The following FGF14 variants were observed in gnomAD, a reference collection of about 807,000 sequenced individuals.
The protein encoded by FGF14 is fibroblast growth factor homologous factor 4.
In FGF14, 5 loss-of-function variants were observed where a neutral mutation model predicts 25.5. That is an observed-to-expected ratio of 0.20 (90% confidence interval 0.10 to 0.41). The LOEUF (loss-of-function observed/expected upper bound fraction) is 0.41, where lower values mean the gene tolerates loss of function less well. Among genes scored for constraint, FGF14 ranks in the 10% least tolerant of loss-of-function variants. FGF14 has a pLI of 1.00. For missense variants in FGF14, 222 were observed against 320.1 expected, an observed-to-expected ratio of 0.69 and a Z score of 2.34; for synonymous variants, 138 against 118.3, an observed-to-expected ratio of 1.17 and a Z score of -1.08.
At chr13:102,214,755 G>A (rs1420597935) in intron 1 of FGF14, among the ~76,000 whole-genome samples, 1 of 152,124 alleles carries the variant, frequency 6.6e-6, no homozygotes, top group East Asian at 1.9e-4. Flanking sequence ...ACAACTTGGG[G>A]GCTGCCACTG....
At chr13:101,852,518 T>A (rs780244075) in intron 3 of FGF14, among the ~76,000 whole-genome samples, 3 of 152,132 alleles carry the variant, frequency 2.0e-5, no homozygotes, top group Non-Finnish European at 4.4e-5. Flanking sequence ...ACCATTTGCG[T>A]ATGTGGGGCT....
At chr13:102,270,046 G>A (rs912584720) in intron 1 of FGF14, among the ~76,000 whole-genome samples, 1 of 152,018 alleles carries the variant, frequency 6.6e-6, no homozygotes, top group African/African-American at 2.4e-5. Flanking sequence ...AAAATTCTCT[G>A]GTCTTAAATG....
intron 1 of FGF14, among the ~76,000 whole-genome samples, chr13:102,383,134 G>A (rs1296508750): frequency 1.3e-5 from 2 of 152,064 alleles, no homozygotes; most frequent in African/African-American, 2.4e-5. Context: ...TGTTACAAAA[G>A]TGAGATTTAT....
intron 1 of FGF14, among the ~76,000 whole-genome samples, chr13:102,059,569 A>T (rs1416234929): frequency 6.6e-6 from 1 of 152,240 alleles, no homozygotes; most frequent in Non-Finnish European, 1.5e-5. Flanking sequence ...AAAAGATTAA[A>T]GCAGGGCACA....
At chr13:102,238,636 T>C (rs763351616) in intron 1 of FGF14, among the ~76,000 whole-genome samples, 13 of 152,242 alleles carry the variant, frequency 8.5e-5, no homozygotes, top group African/African-American at 1.2e-4. Flanking sequence ...AGTATTTCCA[T>C]GTTGTTATAG....
intron 3 of FGF14, among the ~76,000 whole-genome samples, chr13:101,818,859 G>C (rs2041972789): frequency 6.6e-6 from 1 of 152,060 alleles, no homozygotes; most frequent in African/African-American, 2.4e-5. Context: ...TTTAGTAATA[G>C]GATTTCCAGT....
At chr13:102,382,993 A>C (rs889585708) in intron 1 of FGF14, among the ~76,000 whole-genome samples, 9 of 152,094 alleles carry the variant, frequency 5.9e-5, no homozygotes, top group Non-Finnish European at 1.2e-4. Flanking sequence ...TTTCTTTTTT[A>C]AGTTGATGAA....
chr13:101,928,546 A>AT (rs548361617), intron 1 of FGF14, among the ~76,000 whole-genome samples: 77 of 150,498 alleles, frequency 5.1e-4, no homozygotes, highest in East Asian at 4.9e-3. Context: ...TATTTTCCCT[A>AT]TTTTTTTTTG....
At chr13:101,868,641 C>T (rs1439647363) in intron 3 of FGF14, 84 bp downstream of exon 3, 1 of 898,658 alleles carries the variant, frequency 1.1e-6, no homozygotes, top group Non-Finnish European at 1.9e-6. Flanking sequence ...AAACAACAGA[C>T]ATAGAACTTT....
At chr13:102,190,834 T>C (rs970773308) in intron 1 of FGF14, among the ~76,000 whole-genome samples, 3 of 152,146 alleles carry the variant, frequency 2.0e-5, no homozygotes, top group Admixed American at 2.0e-4. Context: ...AGATTCTTTA[T>C]TAAAGAAAAA....
At chr13:101,821,335 T>G (rs528453280) in intron 3 of FGF14, among the ~76,000 whole-genome samples, 1 of 152,206 alleles carries the variant, frequency 6.6e-6, no homozygotes, top group South Asian at 2.1e-4. Flanking sequence ...CCTTTTTATG[T>G]CTGTGAGATC....
chr13:102,006,915 T>G (rs1031885914), intron 1 of FGF14, among the ~76,000 whole-genome samples: 1 of 149,858 alleles, frequency 6.7e-6, no homozygotes, highest in Non-Finnish European at 1.5e-5. Context: ...TGGCTAATTT[T>G]TTGTATTTTT....
intron 3 of FGF14, among the ~76,000 whole-genome samples, chr13:101,781,433 A>G (rs2039485687): frequency 6.6e-6 from 1 of 152,202 alleles, no homozygotes; most frequent in Non-Finnish European, 1.5e-5. Context: ...AAATGAATAC[A>G]TGAGTGTCAT....
chr13:101,862,407 GTC>G (rs1349652043), intron 3 of FGF14, among the ~76,000 whole-genome samples: 6 of 150,852 alleles, frequency 4.0e-5, no homozygotes, highest in African/African-American at 1.2e-4. Flanking sequence ...CCACTCCAAT[GTC>G]TCTCTTTATA....
At chr13:101,825,179 C>T (rs938511098) in intron 3 of FGF14, among the ~76,000 whole-genome samples, 4 of 152,160 alleles carry the variant, frequency 2.6e-5, no homozygotes, top group Non-Finnish European at 5.9e-5. Context: ...CAATTAGCAT[C>T]TAAAGTGGGA....
At chr13:101,784,639 T>A (rs1016969587) in intron 3 of FGF14, among the ~76,000 whole-genome samples, 1 of 152,224 alleles carries the variant, frequency 6.6e-6, no homozygotes, top group Admixed American at 6.5e-5. Context: ...AATGGTAACA[T>A]ATAATGAATA....
chr13:102,259,817 AG>A (rs2052629379), intron 1 of FGF14, among the ~76,000 whole-genome samples: 1 of 152,360 alleles, frequency 6.6e-6, no homozygotes, highest in East Asian at 1.9e-4. Flanking sequence ...AGCCCGAAGT[AG>A]GAATCTGTCT....
At position 102,055,790 on chromosome 13, in the gene FGF14, T is replaced by G. The variant is rs1345245991; in HGVS notation, c.209-180494A>C. Among the ~76,000 whole-genome samples, 4 of 152,202 alleles carry G rather than the reference T, an allele frequency of 2.6e-5. No individual in the cohort carries two copies. In the East Asian group the frequency reaches 7.7e-4, roughly 29 times the overall value. ...TATTAATCTATTTTCATACTGCTGA[T>G]AAATACATACCCGAGACTGGGTAAT... On this transcript the variant is annotated intron_variant, in intron 1 of 4. Transcript: ENST00000376131.
chr13:102,295,706 C>T (rs966375563), intron 1 of FGF14, among the ~76,000 whole-genome samples: 4 of 152,158 alleles, frequency 2.6e-5, no homozygotes, highest in Non-Finnish European at 5.9e-5. Context: ...CACAGCACCA[C>T]ATTGCTTTTA....
Sources: allele counts gnomAD v4.1 joint callset (sites outside exome capture counted in the v4.1 genomes callset), GRCh38; gene constraint gnomAD v4.1.1; transcripts MANE v1.5; gene names NCBI Gene and HGNC (gene_info 2026-07-23, HGNC 2026-07-21).